The following DGKB variants were observed in gnomAD, a reference collection of about 807,000 sequenced individuals.
DGKB encodes the protein 90 kDa diacylglycerol kinase.
DGKB carries 67 observed loss-of-function variants against 114.3 expected under a neutral mutation model. That is an observed-to-expected ratio of 0.59 (90% confidence interval 0.48 to 0.72). The LOEUF is 0.72. Among genes scored for constraint, DGKB ranks in the 30% least tolerant of loss-of-function variants. The pLI is 0.00. For synonymous variants in DGKB, 398 were observed against 323.1 expected (o/e 1.23, Z -2.49); for missense variants, 907 against 975.2 (o/e 0.93, Z 0.93).
At chr7:14,179,839 A>T (rs1235829075) in intron 23 of DGKB, among the ~76,000 whole-genome samples, 1 of 152,190 alleles carries the variant, frequency 6.6e-6, no homozygotes, top group Non-Finnish European at 1.5e-5. Flanking sequence ...ACAAAATCAA[A>T]TGTTAACTTA....
intron 9 of DGKB, among the ~76,000 whole-genome samples, chr7:14,688,771 C>A (rs565153687): frequency 6.6e-6 from 1 of 152,160 alleles, no homozygotes; most frequent in Admixed American, 6.6e-5. Flanking sequence ...CTCTTCAGAA[C>A]TTTTAAAACC....
intron 21 of DGKB, among the ~76,000 whole-genome samples, chr7:14,419,177 G>A (rs953619308): frequency 1.3e-5 from 2 of 151,672 alleles, no homozygotes; most frequent in East Asian, 3.9e-4. Flanking sequence ...CTGTAATTAC[G>A]TATGAAGAAA....
intron 9 of DGKB, among the ~76,000 whole-genome samples, chr7:14,690,870 A>G (rs1563922502): frequency 6.6e-6 from 1 of 152,360 alleles, no homozygotes; most frequent in East Asian, 1.9e-4. Flanking sequence ...AGTCTCAGGT[A>G]TAAATTTTCA....
At chr7:14,601,901 C>T (rs1001955546) in intron 17 of DGKB, among the ~76,000 whole-genome samples, 8 of 151,796 alleles carry the variant, frequency 5.3e-5, no homozygotes, top group African/African-American at 1.9e-4. Flanking sequence ...TAAGACTGAA[C>T]CTCTCTCTAT....
intron 20 of DGKB, among the ~76,000 whole-genome samples, chr7:14,559,612 A>G (rs1208863513): frequency 1.2e-4 from 19 of 152,192 alleles, no homozygotes; most frequent in Admixed American, 1.2e-3. Flanking sequence ...CTCAACTACT[A>G]TTGTCAATTG....
At chr7:14,392,995 G>GTTTTTGTTTTTTTTTGTTTTTTTT in intron 21 of DGKB, among the ~76,000 whole-genome samples, 1 of 60,548 alleles carries the variant, frequency 1.7e-5, no homozygotes. Flanking sequence ...TTTTGTTTTT[G>GTTTTTGTTTTTTTTTGTTTTTTTT]TTTTTTTTTT....
chr7:14,551,711 T>G (rs1795129039), intron 20 of DGKB, among the ~76,000 whole-genome samples: 1 of 151,964 alleles, frequency 6.6e-6, no homozygotes, highest in Non-Finnish European at 1.5e-5. Context: ...ACATAAGAGG[T>G]GGGGAAGATA....
intron 2 of DGKB, among the ~76,000 whole-genome samples, chr7:14,787,524 C>A (rs1840068214): frequency 1.3e-5 from 2 of 152,150 alleles, no homozygotes; most frequent in South Asian, 4.1e-4. Context: ...TGTTTCACCA[C>A]TGACAGAGGC....
chr7:14,291,435 A>AGAC (rs1449740403), intron 23 of DGKB, among the ~76,000 whole-genome samples: 4 of 152,310 alleles, frequency 2.6e-5, no homozygotes, highest in Admixed American at 2.0e-4. Flanking sequence ...AGTAGCCATG[A>AGAC]GACTGCACTG....
chr7:14,522,348 G>T (rs1789924004), intron 20 of DGKB, among the ~76,000 whole-genome samples: 1 of 152,114 alleles, frequency 6.6e-6, no homozygotes, highest in South Asian at 2.1e-4. Context: ...CAGTCAACCT[G>T]AGATATATGC....
chr7:14,203,952 C>G (rs1274651008), intron 23 of DGKB, among the ~76,000 whole-genome samples: 1 of 151,858 alleles, frequency 6.6e-6, no homozygotes, highest in East Asian at 1.9e-4. Flanking sequence ...AAAAACTACT[C>G]AAATCTCATC....
At chr7:14,797,035 TA>T (rs1258396141) in intron 2 of DGKB, among the ~76,000 whole-genome samples, 3 of 152,236 alleles carry the variant, frequency 2.0e-5, no homozygotes, top group Admixed American at 6.5e-5. Flanking sequence ...AAGGATGGAC[TA>T]AATGGTTGGT....
intron 23 of DGKB, among the ~76,000 whole-genome samples, chr7:14,297,694 G>T (rs1218678375): frequency 1.3e-5 from 2 of 152,162 alleles, no homozygotes; most frequent in African/African-American, 4.8e-5. Flanking sequence ...AGTATTGGAA[G>T]CTCTGGCCAG....
chr7:14,513,790 A>G (rs1368602180), intron 20 of DGKB, among the ~76,000 whole-genome samples: 1 of 152,050 alleles, frequency 6.6e-6, no homozygotes, highest in Non-Finnish European at 1.5e-5. Context: ...CAGAAAGTTA[A>G]AAAGTGTAGA....
rs546475601 is a variant in DGKB, at chr7:14,627,398, G to A, written c.1167+2838C>T. On this transcript the variant is annotated intron_variant, in intron 14 of 25. Coordinates refer to ENST00000402815, the MANE Select transcript of DGKB (RefSeq NM_001350709.2). Reference sequence around the variant, plus strand: ...GTCCCGGTTTTCACACATTACACATGAAGTTCATATTTTCTCCTAGGATGA... The same window carrying A: ...GTCCCGGTTTTCACACATTACACATAAAGTTCATATTTTCTCCTAGGATGA... Among the ~76,000 whole-genome samples, 5 of 152,194 alleles carry A rather than the reference G, an allele frequency of 3.3e-5. No homozygotes were observed. The East Asian group carries it at 9.7e-4, about 30-fold the overall frequency.
intron 21 of DGKB, among the ~76,000 whole-genome samples, chr7:14,352,160 G>A (rs1583347406): frequency 1.3e-5 from 2 of 152,232 alleles, no homozygotes. Context: ...AGAATCATAT[G>A]CTACTCCATC....
At chr7:14,703,420 G>A (rs1289662064) in intron 6 of DGKB, among the ~76,000 whole-genome samples, 1 of 152,182 alleles carries the variant, frequency 6.6e-6, no homozygotes, top group Admixed American at 6.5e-5. Context: ...ATTCATTACT[G>A]ACAGTGTCTG....
intron 20 of DGKB, among the ~76,000 whole-genome samples, chr7:14,543,260 A>G (rs1014185977): frequency 3.9e-5 from 6 of 151,988 alleles, no homozygotes; most frequent in Non-Finnish European, 7.4e-5. Flanking sequence ...CCTGGGCAAC[A>G]TGGCAAGACC....
intron 2 of DGKB, among the ~76,000 whole-genome samples, chr7:14,776,267 T>C (rs1321980272): frequency 1.3e-5 from 2 of 152,142 alleles, no homozygotes; most frequent in Non-Finnish European, 2.9e-5. Context: ...GATGATGCGA[T>C]AAAAAAATAA....
Sources: allele counts gnomAD v4.1 joint callset (sites outside exome capture counted in the v4.1 genomes callset), GRCh38; gene constraint gnomAD v4.1.1; transcripts MANE v1.5; gene names NCBI Gene and HGNC (gene_info 2026-07-23, HGNC 2026-07-21).